The following RNF19B variants were observed in gnomAD, a reference collection of about 807,000 sequenced individuals.
RNF19B encodes the protein ring finger protein 19B, also known as E3 ubiquitin-protein ligase RNF19B.
Under a neutral mutation model 65.5 loss-of-function variants are expected in RNF19B, and 23 were observed. The observed-to-expected ratio is 0.35, with a 90% CI of 0.25 to 0.50. The LOEUF (loss-of-function observed/expected upper bound fraction) is 0.50. Among genes scored for constraint, RNF19B ranks in the 20% least tolerant of loss-of-function variants. The pLI is 0.98. For missense variants in RNF19B, 794 were observed against 980.0 expected (o/e 0.81, Z 2.53); for synonymous variants, 372 against 379.6 (o/e 0.98, Z 0.23).
chr1:32,949,926 G>C, intron 1 of RNF19B, 152 bp from the exon 2 acceptor site: 1 of 624,502 alleles, frequency 1.6e-6, no homozygotes, highest in East Asian at 2.8e-5. Context: ...ACACACACAA[G>C]CACATTTGAC....
rs1056376106 is a variant in RNF19B at position 32,939,461 on chromosome 1, C to T, written c.1611-933G>A. On this transcript the variant is annotated intron_variant, in intron 7 of 8. Transcript: ENST00000235150. Reference sequence around the variant, plus strand: ...CTAAAAAAGGTGCTGGGATTACAGGCGTGCGCAGGCCCTGCCTACTTATTA... The same window carrying T: ...CTAAAAAAGGTGCTGGGATTACAGGTGTGCGCAGGCCCTGCCTACTTATTA... Among the ~76,000 whole-genome samples, 11 of 152,322 alleles carry T rather than the reference C, an allele frequency of 7.2e-5. No homozygotes were observed. In the South Asian group the frequency reaches 8.3e-4, roughly 11 times the overall value.
intron 1 of RNF19B, among the ~76,000 whole-genome samples, chr1:32,950,698 G>C (rs925801750): frequency 7.9e-5 from 12 of 151,210 alleles, no homozygotes; most frequent in African/African-American, 2.9e-4. Flanking sequence ...CACCACACTT[G>C]GCTAATTTTT....
At chr1:32,960,405 T>C (rs1335432479) in intron 1 of RNF19B, among the ~76,000 whole-genome samples, 1 of 152,146 alleles carries the variant, frequency 6.6e-6, no homozygotes, top group Non-Finnish European at 1.5e-5. Context: ...TAACTGGGAC[T>C]TGGACTTCTC....
Position 32,964,149 on chromosome 1 carries a change from G to A in RNF19B, c.537C>T (p.Leu179=). 3 of 1,544,256 alleles carry A rather than the reference G, an allele frequency of 1.9e-6. No individual in the cohort carries two copies. Among genetic ancestry groups the A allele is most frequent in the East Asian group, 2.5e-5 (1 of 39,730 alleles). The change falls in exon 1 of 9, where the codon CTC becomes CTT. Residue 179 remains leucine (L), a synonymous_variant. Transcript: ENST00000235150. The surrounding 1 kb of genome is among the most constrained non-coding windows in gnomAD (Gnocchi z 6.5). ...RLNPHDIRLL[L]ADPPLMHKYE... ...ACTTGTGCATAAGCGGCGGGTCGGC[G>A]AGCAGCAAGCGGATGTCGTGCGGGT...
chr1:32,931,277 ATTC>A, the RNF19B span, among the ~76,000 whole-genome samples: 6 of 152,166 alleles, frequency 3.9e-5, no homozygotes, highest in African/African-American at 1.2e-4. Context: ...AAGTCTTACA[ATTC>A]TTCTGTAAGT....
In RNF19B at chr1:32,964,808, A is replaced by C; in HGVS notation, c.-123T>G. ...CACCGCCTCAACCGCCCTCCCGGCG[A>C]TAGAAGCCGAGCGGCAACGACGAAG... On this transcript the variant is annotated 5_prime_UTR_variant, in exon 1 of 9. Transcript: ENST00000235150. This position sits in a 1 kb window ranked among gnomAD's most constrained non-coding sequence, Gnocchi z 6.5. 1.0e-6 allele frequency: 1 copy of C among 975,890 alleles called. No homozygotes were observed. 60.5% of individuals were successfully genotyped at this position (975,890 alleles called of 1,614,324 possible).
Position 32,964,635 on chromosome 1 carries a change from C to T in RNF19B, c.51G>A (p.Ala17=). 1 of 1,474,448 alleles carries T rather than the reference C, an allele frequency of 6.8e-7. No individual in the cohort carries two copies. Among genetic ancestry groups the T allele is most frequent in the Non-Finnish European group, 9.0e-7 (1 of 1,116,934 alleles). 91.3% of individuals were successfully genotyped at this position (1,474,448 alleles called of 1,614,324 possible). The change falls in exon 1 of 9, where the codon GCG becomes GCA. Residue 17 remains alanine (A), a synonymous_variant. Transcript: ENST00000235150. This position sits in a 1 kb window ranked among gnomAD's most constrained non-coding sequence, Gnocchi z 6.5. ...SESPRSTSLH[A]AAPDPKCRSG... The stretch of plus-strand genomic sequence containing the variant: ...TGCGGCACTTAGGGTCGGGTGCGGC[C>T]GCATGTAGCGATGTGGAGCGCGGCG...
chr1:32,937,096 A>G lies in RNF19B; in HGVS notation c.1906T>C (p.Cys636Arg). 6.2e-7 allele frequency: 1 copy of G among 1,614,152 alleles called. No homozygotes were observed. Among genetic ancestry groups the G allele is most frequent in the South Asian group, 1.1e-5 (1 of 91,072 alleles). ...TTCTGTTCACAGCTTTGGTGTCTGC[A>G]GGGGGGATCCTCTTCACTGCCTCCG... ...GGGGSEEDPP[C>R]RHQSCEQKDC... is the part of the protein sequence containing the mutation. Residue 636 changes from cysteine (C) to arginine (R), a missense_variant, in exon 9 of 9, where the codon TGC becomes CGC. By Grantham distance (180) the Cys-to-Arg change is radical (BLOSUM62 -3). Transcript: ENST00000235150.
rs1466975537 is a variant in RNF19B, at chr1:32,964,399, G to A, written c.287C>T (p.Ala96Val). 9 of 1,290,210 alleles carry A rather than the reference G, an allele frequency of 7.0e-6. No individual in the cohort carries two copies. The highest frequency in any genetic ancestry group is 3.7e-5 in the Admixed American group (1 of 26,996). The allele number at this position is 1,290,210 out of a possible 1,614,324, so 79.9% of individuals were successfully genotyped here. A position where few individuals can be genotyped will look rare whatever the true frequency, so the allele number is the denominator to read the frequency against. ...AEAEAEAAAA[A>V]AEPGFDDEEA... Reference sequence around the variant, plus strand: ...CTCATCGTCGAACCCAGGCTCCGCCGCCGCCGCCGCGGCCTCCGCCTCGGC... The same window carrying A: ...CTCATCGTCGAACCCAGGCTCCGCCACCGCCGCCGCGGCCTCCGCCTCGGC... The change falls in exon 1 of 9, where the codon GCG (alanine) becomes GTG (valine). Residue 96 changes from alanine (A) to valine (V), a missense_variant. Around this residue, in one of 3 missense-constraint regions of RNF19B, gnomAD observed 374 missense variants for 423.8 expected, o/e 0.88. Coordinates refer to ENST00000235150, the MANE Select transcript of RNF19B (RefSeq NM_001300826.2). The surrounding 1 kb of genome is among the most constrained non-coding windows in gnomAD (Gnocchi z 6.5).
chr1:32,939,988 G>C (rs774424732), intron 7 of RNF19B, among the ~76,000 whole-genome samples: 2 of 152,194 alleles, frequency 1.3e-5, no homozygotes, highest in African/African-American at 4.8e-5. Flanking sequence ...TGCACAGACG[G>C]GTCAGTAGCA....
In RNF19B at chr1:32,937,277, A is replaced by G; in HGVS notation, c.1743-18T>C. 6.2e-7 allele frequency: 1 copy of G among 1,613,216 alleles called. No homozygotes were observed. The highest frequency in any genetic ancestry group is 1.1e-5 in the South Asian group (1 of 91,082). The stretch of plus-strand genomic sequence containing the variant: ...TGCATTCTCTGTGGAGACAAAATCC[A>G]CTTTGCTGAGTCATGCATGGATCAT... On this transcript the variant is annotated intron_variant, in intron 8 of 8. Coordinates refer to ENST00000235150, the MANE Select transcript of RNF19B (RefSeq NM_001300826.2).
At position 32,964,299 on chromosome 1, in the gene RNF19B, C is replaced by G. The variant is rs1166649971; in HGVS notation, c.387G>C (p.Glu129Asp). The change falls in exon 1 of 9, where the codon GAG becomes GAC. Residue 129 changes from glutamate to aspartate, a missense_variant. This residue lies in a region of RNF19B where 374 missense variants were observed against 423.8 expected (regional missense o/e 0.88). Coordinates refer to ENST00000235150, the MANE Select transcript of RNF19B (RefSeq NM_001300826.2). The surrounding 1 kb of genome is among the most constrained non-coding windows in gnomAD (Gnocchi z 6.5). ...GACAGCTGAGGAGGCGCGGGGCCCG[C>G]TCAGGCGGCAGCCGCACCAGGCACA... ...CPLCLVRLPP[E>D]RAPRLLSCPH... 1 of 1,520,084 alleles carries G rather than the reference C, an allele frequency of 6.6e-7. No homozygotes were observed. The allele number at this position is 1,520,084 out of a possible 1,614,324, so 94.2% of individuals were successfully genotyped here. A position where few individuals can be genotyped will look rare whatever the true frequency, so the allele number is the denominator to read the frequency against.
chr1:32,938,877 T>C (rs1199235581), intron 7 of RNF19B, among the ~76,000 whole-genome samples: 1 of 152,104 alleles, frequency 6.6e-6, no homozygotes, highest in Non-Finnish European at 1.5e-5. Flanking sequence ...CTAACAATTC[T>C]CTAACTCTTG....
intron 1 of RNF19B, among the ~76,000 whole-genome samples, chr1:32,961,750 T>C (rs887254301): frequency 3.3e-5 from 5 of 152,176 alleles, no homozygotes; most frequent in Non-Finnish European, 5.9e-5. Context: ...AGAAATGGCC[T>C]AATTTTTTAA....
Position 32,937,156 on chromosome 1 carries a change from G to A in RNF19B, c.1846C>T (p.Gln616Ter). 3 of 1,614,180 alleles carry A rather than the reference G, an allele frequency of 1.9e-6. No homozygotes were observed. The highest frequency in any genetic ancestry group is 2.5e-6 in the Non-Finnish European group (3 of 1,180,046). ...CCTTCTTCTTCATTCTCTGCCATCT[G>A]AGCATGAACATGGAGCGAGTCCTCC... ...STEDSLHVHAQMAENEEEGSG... is the reference protein window; with the variant it reads ...STEDSLHVHA Residue 616 changes from glutamine (Q) to a stop codon, truncating the protein, a stop_gained, in exon 9 of 9, where the codon CAG becomes TAG. Transcript: ENST00000235150. LOFTEE classifies it high-confidence loss of function.
Position 32,942,420 on chromosome 1 carries a change from C to T in RNF19B, c.1442G>A (p.Gly481Glu), listed in dbSNP as rs766001797. The part of the protein sequence containing the change: ...AWRALKNPSI[G>E]ESSIEGLTSV... ...AGTCAGGCCTTCAATGCTGCTTTCC[C>T]CAATGCTGGGATTCTTGAGGGCTCT... Residue 481 changes from glycine to glutamate, a missense_variant, in exon 7 of 9, where the codon GGG becomes GAG. This residue lies in a region of RNF19B where 368 missense variants were observed against 447.3 expected (regional missense o/e 0.82). Coordinates refer to ENST00000235150, the MANE Select transcript of RNF19B (RefSeq NM_001300826.2). 32 of 1,614,022 alleles carry T rather than the reference C, an allele frequency of 2.0e-5. No homozygotes were observed. Among genetic ancestry groups the T allele is most frequent in the Admixed American group, 1.3e-4 (8 of 59,992 alleles).
chr1:32,956,060 T>A (rs2124175210), intron 1 of RNF19B, among the ~76,000 whole-genome samples: 2 of 151,984 alleles, frequency 1.3e-5, no homozygotes, highest in South Asian at 4.2e-4. Flanking sequence ...TGAAATCCCA[T>A]CTCTACGAAA....
In RNF19B at chr1:32,936,867, A is replaced by G; in HGVS notation, c.2135T>C (p.Leu712Pro). The change falls in exon 9 of 9, where the codon CTC becomes CCC. Residue 712 changes from leucine to proline, a missense_variant. Physicochemically the swap from Leu to Pro is moderately conservative, Grantham distance 98. This residue lies in a region of RNF19B where 368 missense variants were observed against 447.3 expected (regional missense o/e 0.82). Coordinates refer to ENST00000235150, the MANE Select transcript of RNF19B (RefSeq NM_001300826.2). ...AGTTTGTCCCTCGGCTAGGGCAGAG[A>G]GGTTCATATGGGCACTTGGGCTCGG... ...GAPSPSAHMN[L>P]SALAEGQTVL... The G allele has an allele frequency of 1.2e-6, 2 of 1,610,016 alleles. No homozygotes were observed. The highest frequency in any genetic ancestry group is 1.7e-6 in the Non-Finnish European group (2 of 1,177,376).
At chr1:32,934,980 C>CCT (rs1642072971), downstream of RNF19B, among the ~76,000 whole-genome samples, 1 of 145,042 alleles carries the variant, frequency 6.9e-6, no homozygotes, top group Non-Finnish European at 1.5e-5. Flanking sequence ...TACAGGTGTG[C>CCT]GCCACCACGC....
Sources: allele counts gnomAD v4.1 joint callset (sites outside exome capture counted in the v4.1 genomes callset), GRCh38; gene constraint gnomAD v4.1.1; regional missense constraint gnomAD v4.1.1; non-coding constraint Gnocchi (gnomAD v3.1); transcripts MANE v1.5; gene names NCBI Gene and HGNC (gene_info 2026-07-23, HGNC 2026-07-21).